The following MYLK variants were observed in gnomAD, a reference collection of about 807,000 sequenced individuals.
The protein encoded by MYLK is myosin light chain kinase.
A neutral mutation model predicts 203.4 loss-of-function variants in MYLK; 106 were observed. The observed-to-expected ratio is 0.52, with a 90% confidence interval of 0.45 to 0.61. The LOEUF (loss-of-function observed/expected upper bound fraction) is 0.61, where lower values mean the gene tolerates loss of function less well. Among genes scored for constraint, MYLK ranks in the 20% least tolerant of loss-of-function variants. The pLI is 0.00. For missense variants in MYLK, 2,072 were observed against 2,442.3 expected (o/e 0.85, Z 3.20); for synonymous variants, 867 against 959.5 (o/e 0.90, Z 1.78).
intron 20 of MYLK, among the ~76,000 whole-genome samples, chr3:123,672,722 T>C (rs905080555): frequency 4.6e-5 from 7 of 152,284 alleles, no homozygotes; most frequent in African/African-American, 1.4e-4. Flanking sequence ...GGAGCTACCA[T>C]TGTTTGAATT....
At chr3:123,662,803 C>A (rs2059607116) in intron 23 of MYLK, among the ~76,000 whole-genome samples, 1 of 152,172 alleles carries the variant, frequency 6.6e-6, no homozygotes, top group Non-Finnish European at 1.5e-5. Flanking sequence ...TTGTGCACTG[C>A]ATAAAAGGGG....
chr3:123,641,790 T>TG (rs2058846023), intron 27 of MYLK, among the ~76,000 whole-genome samples: 1 of 121,922 alleles, frequency 8.2e-6, no homozygotes, highest in East Asian at 2.9e-4. Flanking sequence ...CTCCCTCCCT[T>TG]CCTCCCTTCC....
intron 13 of MYLK, among the ~76,000 whole-genome samples, chr3:123,713,423 G>A (rs1965247): frequency 0.068 from 10,299 of 152,090 alleles, 850 homozygotes; most frequent in African/African-American, 0.19. Context: ...GGGATGTTAC[G>A]TAGGCGTCCC....
chr3:123,789,586 C>G (rs939195772), intron 4 of MYLK, among the ~76,000 whole-genome samples: 4 of 143,604 alleles, frequency 2.8e-5, no homozygotes, highest in Admixed American at 7.3e-5. Context: ...TTGCCTGGGT[C>G]TAAAGGTGGA....
intron 2 of MYLK, among the ~76,000 whole-genome samples, chr3:123,837,482 A>G (rs2066500516): frequency 6.8e-6 from 1 of 147,638 alleles, no homozygotes; most frequent in African/African-American, 2.5e-5. Flanking sequence ...TACATATTAT[A>G]TATAATTATA....
intron 24 of MYLK, 115 bp from the exon 25 acceptor site, chr3:123,649,309 T>C: frequency 7.3e-7 from 1 of 1,361,638 alleles, no homozygotes; most frequent in Non-Finnish European, 1.0e-6. Context: ...GGCAGACGAC[T>C]ACCAGGTCCA....
rs755451013 is a variant in MYLK, at chr3:123,734,196, G to T, written c.800C>A (p.Thr267Asn). The change falls in exon 10 of 34, where the codon ACC (threonine) becomes AAC (asparagine). Residue 267 changes from threonine (T) to asparagine (N), a missense_variant. Thr to Asn is a moderately conservative substitution (Grantham distance 65, BLOSUM62 0). This residue lies in a region of MYLK where 683 missense variants were observed against 643.8 expected (regional missense o/e 1.06). Coordinates refer to ENST00000360304, the MANE Select transcript of MYLK (RefSeq NM_053025.4). ...NRSFVRETKA[T>N]NSDVRKEVTN... ...CACCTCTTTCCTGACATCTGAATTG[G>T]TGGCTTTTGTTTCTCTCACAAATGA... 1.0e-5 allele frequency: 16 copies of T among 1,543,152 alleles called. No individual in the cohort carries two copies. Among genetic ancestry groups the T allele is most frequent in the Middle Eastern group, 1.7e-4 (1 of 5,756 alleles).
intron 5 of MYLK, among the ~76,000 whole-genome samples, chr3:123,743,727 T>G (rs1276643326): frequency 6.6e-6 from 1 of 152,162 alleles, no homozygotes; most frequent in Non-Finnish European, 1.5e-5. Context: ...ATTGGAAAGT[T>G]CAGTGGTGGA....
intron 4 of MYLK, among the ~76,000 whole-genome samples, chr3:123,793,246 T>C (rs2064853343): frequency 6.6e-6 from 1 of 152,100 alleles, no homozygotes; most frequent in South Asian, 2.1e-4. Context: ...GTATACCAAA[T>C]GGATGTACAA....
chr3:123,722,421 A>C lies in MYLK; in HGVS notation c.1652-141T>G, dbSNP rs150218531. Reference sequence around the variant, plus strand: ...ATCCACTGAGGGCTAATGATGTACCATGCACATCTCCAGCCAGCTGGACAG... The same window carrying C: ...ATCCACTGAGGGCTAATGATGTACCCTGCACATCTCCAGCCAGCTGGACAG... On this transcript the variant is annotated intron_variant, in intron 12 of 33. Coordinates refer to ENST00000360304, the MANE Select transcript of MYLK (RefSeq NM_053025.4). 8.0e-5 allele frequency: 87 copies of C among 1,082,740 alleles called. No individual in the cohort carries two copies. In the East Asian group the frequency reaches 2.2e-3, roughly 28 times the overall value. The allele number at this position is 1,082,740 out of a possible 1,614,324, so 67.1% of individuals were successfully genotyped here. A position where few individuals can be genotyped will look rare whatever the true frequency, so the allele number is the denominator to read the frequency against.
At chr3:123,699,931 T>C (rs1278032072) in intron 18 of MYLK, 89 bp downstream of exon 18, 1 of 1,581,068 alleles carries the variant, frequency 6.3e-7, no homozygotes, top group Non-Finnish European at 8.7e-7. Context: ...TATGGGCTGC[T>C]AACAGGGGTC....
At chr3:123,798,287 C>A (rs1220971630) in intron 3 of MYLK, among the ~76,000 whole-genome samples, 1 of 152,016 alleles carries the variant, frequency 6.6e-6, no homozygotes, top group Non-Finnish European at 1.5e-5. Context: ...TCTCGGAGGC[C>A]CCCACATCTC....
chr3:123,883,343 A>C (rs914672427), intron 1 of MYLK, among the ~76,000 whole-genome samples: 11 of 152,050 alleles, frequency 7.2e-5, no homozygotes, highest in Non-Finnish European at 4.4e-5. Context: ...CTGAATCACA[A>C]CAGCTAATTT....
chr3:123,650,093 C>G (rs532512670), intron 24 of MYLK, among the ~76,000 whole-genome samples: 1 of 152,346 alleles, frequency 6.6e-6, no homozygotes, highest in African/African-American at 2.4e-5. Context: ...ACGCCCACTT[C>G]AGAGCTCCAG....
At chr3:123,717,110 T>C (rs1321289426) in intron 13 of MYLK, among the ~76,000 whole-genome samples, 2 of 152,242 alleles carry the variant, frequency 1.3e-5, no homozygotes, top group African/African-American at 4.8e-5. Context: ...TATTTTTCTG[T>C]AGCCAATGTA....
rs139300368 is a variant in MYLK at position 123,788,617 on chromosome 3, C to T, written c.165+5060G>A. Among the ~76,000 whole-genome samples, 959 of 147,918 alleles carry T rather than the reference C, an allele frequency of 6.5e-3. 7 individuals carry two copies. The highest frequency in any genetic ancestry group is 0.023 in the African/African-American group (914 of 40,240). On this transcript the variant is annotated intron_variant, in intron 4 of 33. Transcript: ENST00000360304. ...GTGTTCTCATTGTTAAAGTGCTAAA[C>T]ATGGTGGCTGACTGCTTCTGAGCTG... is the stretch of plus-strand genomic sequence containing the variant.
At chr3:123,833,843 C>G (rs1331083249) in intron 2 of MYLK, among the ~76,000 whole-genome samples, 1 of 152,086 alleles carries the variant, frequency 6.6e-6, no homozygotes, top group Non-Finnish European at 1.5e-5. Flanking sequence ...AGAGGTCACA[C>G]AATTCTCCTT....
intron 23 of MYLK, among the ~76,000 whole-genome samples, chr3:123,659,175 TA>T (rs1348279882): frequency 6.6e-6 from 1 of 152,094 alleles, no homozygotes; most frequent in Non-Finnish European, 1.5e-5. Context: ...GCTAAGGAAG[TA>T]AAAAAACCTG....
chr3:123,751,291 C>T (rs1208198409), intron 5 of MYLK, among the ~76,000 whole-genome samples: 1 of 152,186 alleles, frequency 6.6e-6, no homozygotes, highest in East Asian at 1.9e-4. Flanking sequence ...GGAGTGGCTT[C>T]AGCATGGCAG....
Sources: allele counts gnomAD v4.1 joint callset (sites outside exome capture counted in the v4.1 genomes callset), GRCh38; gene constraint gnomAD v4.1.1; regional missense constraint gnomAD v4.1.1; transcripts MANE v1.5; gene names NCBI Gene and HGNC (gene_info 2026-07-23, HGNC 2026-07-21).